The following BMAL1 variants were observed in gnomAD, a reference collection of about 807,000 sequenced individuals.
BMAL1 encodes the protein basic helix-loop-helix ARNT like 1.
chr11:13,361,955 CAAA>C, the BMAL1 span, among the ~76,000 whole-genome samples: 1 of 152,194 alleles, frequency 6.6e-6, no homozygotes, highest in Non-Finnish European at 1.5e-5. Flanking sequence ...TCAGCTTATT[CAAA>C]AGTGTGTCAC....
At chr11:13,339,861 C>G in the BMAL1 span, among the ~76,000 whole-genome samples, 1 of 152,280 alleles carries the variant, frequency 6.6e-6, no homozygotes, top group African/African-American at 2.4e-5. Flanking sequence ...GCCTTCCTCA[C>G]CAGGAGGTGT....
chr11:13,336,033 A>G, the BMAL1 span, among the ~76,000 whole-genome samples: 946 of 152,370 alleles, frequency 6.2e-3, 10 homozygotes, highest in African/African-American at 0.021. Context: ...ATGCATGCAC[A>G]TGCTTACAAA....
the BMAL1 span, among the ~76,000 whole-genome samples, chr11:13,378,104 A>G: frequency 6.6e-6 from 1 of 152,134 alleles, no homozygotes; most frequent in Non-Finnish European, 1.5e-5. Context: ...ATGAAGGGAA[A>G]GAATTAGATG....
the BMAL1 span, among the ~76,000 whole-genome samples, chr11:13,369,092 C>T: frequency 2.0e-5 from 3 of 152,172 alleles, no homozygotes; most frequent in Non-Finnish European, 2.9e-5. Flanking sequence ...GTCCAGGAAT[C>T]TGTAGGTTGA....
the BMAL1 span, chr11:13,385,611 C>A: frequency 9.8e-7 from 1 of 1,024,706 alleles, no homozygotes; most frequent in Non-Finnish European, 1.5e-6. Flanking sequence ...CTCCCCACCC[C>A]ACCCCATGCT....
At chr11:13,284,232 GTGTATATATA>G in the BMAL1 span, among the ~76,000 whole-genome samples, 2,824 of 8,038 alleles carry the variant, frequency 0.35, 384 homozygotes, top group East Asian at 0.61. Context: ...ATATATGTGT[GTGTATATATA>G]TATATATATA....
the BMAL1 span, among the ~76,000 whole-genome samples, chr11:13,292,833 C>CCCAAGGGGTGTG: frequency 6.6e-6 from 1 of 152,152 alleles, no homozygotes; most frequent in African/African-American, 2.4e-5. Context: ...AGAGGAAACA[C>CCCAAGGGGTGTG]CCAAGGGGGC....
At chr11:13,297,860 T>TAGTTGAGTGTGGTGATTGC in the BMAL1 span, among the ~76,000 whole-genome samples, 1 of 152,152 alleles carries the variant, frequency 6.6e-6, no homozygotes. Flanking sequence ...GATAAGACTA[T>TAGTTGAGTGTGGTGATTGC]AGTTGAGTGT....
At chr11:13,376,735 A>G in the BMAL1 span, 29 of 1,612,592 alleles carry the variant, frequency 1.8e-5, no homozygotes, top group East Asian at 8.9e-5. Context: ...GAAGGTAACT[A>G]TGTGCTGCTG....
At chr11:13,303,079 T>C in the BMAL1 span, among the ~76,000 whole-genome samples, 1 of 152,204 alleles carries the variant, frequency 6.6e-6, no homozygotes, top group Non-Finnish European at 1.5e-5. Context: ...TTATTCCCAA[T>C]TTCTTTGAGG....
At chr11:13,362,471 A>G in the BMAL1 span, among the ~76,000 whole-genome samples, 3 of 152,168 alleles carry the variant, frequency 2.0e-5, no homozygotes, top group South Asian at 2.1e-4. Flanking sequence ...GATCCAATAC[A>G]TGCCTCTGTG....
chr11:13,318,124 A>G, the BMAL1 span, among the ~76,000 whole-genome samples: 1 of 152,142 alleles, frequency 6.6e-6, no homozygotes, highest in African/African-American at 2.4e-5. Context: ...GCCCAGCCTC[A>G]CTGTACCTTT....
the BMAL1 span, among the ~76,000 whole-genome samples, chr11:13,343,656 T>A: frequency 1.3e-5 from 2 of 152,144 alleles, no homozygotes; most frequent in African/African-American, 4.8e-5. Flanking sequence ...TAAGAAGACA[T>A]CCCTTTTATC....
chr11:13,355,303 T>G, the BMAL1 span: 1 of 1,613,742 alleles, frequency 6.2e-7, no homozygotes, highest in Non-Finnish European at 8.5e-7. Flanking sequence ...ATATGTAAGT[T>G]ATCCCAGATG....
the BMAL1 span, chr11:13,380,882 A>G: frequency 2.7e-5 from 9 of 328,890 alleles, no homozygotes; most frequent in Admixed American, 1.3e-4. Context: ...AGGTGCCTGT[A>G]GAACAAATCC....
the BMAL1 span, among the ~76,000 whole-genome samples, chr11:13,339,530 T>A: frequency 3.2e-4 from 49 of 151,614 alleles, no homozygotes; most frequent in African/African-American, 1.1e-3. Context: ...TTACTCAGAG[T>A]CAAGGCCAAG....
chr11:13,375,810 C>T, the BMAL1 span: 636 of 1,490,096 alleles, frequency 4.3e-4, 1 homozygote, highest in Non-Finnish European at 5.3e-4. Context: ...CAAACAGATG[C>T]CTAGGGTTCC....
At chr11:13,279,475 T>C in the BMAL1 span, among the ~76,000 whole-genome samples, 2 of 152,194 alleles carry the variant, frequency 1.3e-5, no homozygotes, top group East Asian at 3.8e-4. Context: ...GAATTTGGGT[T>C]GGTGGAGTTT....
chr11:13,312,372 T>C, the BMAL1 span, among the ~76,000 whole-genome samples: 1 of 152,208 alleles, frequency 6.6e-6, no homozygotes, highest in Non-Finnish European at 1.5e-5. Flanking sequence ...CTCCTACTAA[T>C]GTAGAAGGAC....
Sources: allele counts gnomAD v4.1 joint callset (sites outside exome capture counted in the v4.1 genomes callset), GRCh38; gene constraint gnomAD v4.1.1; transcripts MANE v1.5; gene names NCBI Gene and HGNC (gene_info 2026-07-23, HGNC 2026-07-21).